Variants in RP1 observed in about 807,000 individuals in gnomAD.
RP1 encodes the protein RP1 axonemal microtubule associated, also known as oxygen-regulated protein 1.
Under a neutral mutation model 14.8 loss-of-function variants are expected in RP1, and 16 were observed. The ratio of observed to expected loss-of-function variants is 1.08; its 90% CI spans 0.73 to 1.65. The LOEUF (loss-of-function observed/expected upper bound fraction) is 1.65, where lower values mean the gene tolerates loss of function less well. RP1 is among the 40% of genes most tolerant of loss of function. The probability of loss-of-function intolerance (pLI) is 0.00; values close to 1 mark genes in which losing one functional copy is unlikely to be tolerated. For synonymous variants in RP1, 876 were observed against 883.6 expected, an observed-to-expected ratio of 0.99 and a Z score of 0.15; for missense variants, 2,631 against 2,535.0, an observed-to-expected ratio of 1.04 and a Z score of -0.81.
chr8:54,661,190 T>C (rs1206909594), intron 6 of RP1, among the ~76,000 whole-genome samples: 1 of 147,286 alleles, frequency 6.8e-6, no homozygotes, highest in Non-Finnish European at 1.5e-5. Flanking sequence ...TAATATAATG[T>C]TATAATATAT....
At chr8:54,780,204 C>T (rs918887187) in intron 23 of RP1, among the ~76,000 whole-genome samples, 7 of 152,192 alleles carry the variant, frequency 4.6e-5, no homozygotes, top group Non-Finnish European at 1.5e-5. Context: ...ATGAGCATGG[C>T]GTCATTCCAA....
At chr8:54,696,706 G>A in intron 12 of RP1, 2 of 716,630 alleles carry the variant, frequency 2.8e-6, no homozygotes, top group African/African-American at 1.7e-5. Context: ...TTTTACTGGT[G>A]CAGAGAACCA....
chr8:54,716,067 G>A (rs1262687834), intron 15 of RP1, among the ~76,000 whole-genome samples: 4 of 152,170 alleles, frequency 2.6e-5, no homozygotes, highest in Non-Finnish European at 4.4e-5. Context: ...GGAGATAGTG[G>A]TTTGGGAATG....
intron 1 of RP1, among the ~76,000 whole-genome samples, chr8:54,618,117 C>A (rs114552781): frequency 0.011 from 1,677 of 152,230 alleles, 31 homozygotes; most frequent in African/African-American, 0.038. Context: ...ACTACAGCAT[C>A]CCCAACAAGG....
chr8:54,795,396 A>C (rs756041948), intron 24 of RP1, among the ~76,000 whole-genome samples: 4 of 152,126 alleles, frequency 2.6e-5, no homozygotes, highest in Non-Finnish European at 5.9e-5. Context: ...ACCCTAATAC[A>C]GGTGCAGAAT....
chr8:54,645,687 G>T (rs1189730266), intron 3 of RP1, among the ~76,000 whole-genome samples: 3 of 152,182 alleles, frequency 2.0e-5, no homozygotes, highest in Non-Finnish European at 2.9e-5. Context: ...TTGGGTACCA[G>T]AGTAATATGC....
intron 12 of RP1, among the ~76,000 whole-genome samples, chr8:54,683,701 G>A (rs779006486): frequency 5.9e-5 from 9 of 152,170 alleles, no homozygotes; most frequent in Non-Finnish European, 1.2e-4. Flanking sequence ...CTTTTGGGTT[G>A]AGACAATGGG....
chr8:54,777,045 G>T (rs1175231159), intron 23 of RP1, among the ~76,000 whole-genome samples: 1 of 152,196 alleles, frequency 6.6e-6, no homozygotes, highest in Non-Finnish European at 1.5e-5. Flanking sequence ...TCACTGCATG[G>T]CTTGGGAAAT....
At chr8:54,715,474 A>G (rs1271220224) in intron 15 of RP1, among the ~76,000 whole-genome samples, 1 of 152,358 alleles carries the variant, frequency 6.6e-6, no homozygotes, top group East Asian at 1.9e-4. Context: ...CACTAATTAT[A>G]CTTAGTGGAG....
At chr8:54,839,714 C>T (rs1278596273) in intron 25 of RP1, among the ~76,000 whole-genome samples, 2 of 152,178 alleles carry the variant, frequency 1.3e-5, no homozygotes, top group Non-Finnish European at 2.9e-5. Flanking sequence ...AGCTGGTACT[C>T]CATCCCACAT....
chr8:54,632,089 G>A (rs910568416), downstream of RP1, among the ~76,000 whole-genome samples: 1 of 151,988 alleles, frequency 6.6e-6, no homozygotes, highest in Non-Finnish European at 1.5e-5. Context: ...TGATCCGCCC[G>A]CCTCGGCCTC....
chr8:54,669,919 C>T (rs1807112701), intron 7 of RP1, among the ~76,000 whole-genome samples: 1 of 151,962 alleles, frequency 6.6e-6, no homozygotes, highest in Non-Finnish European at 1.5e-5. Context: ...AGGAGAAATA[C>T]CTAATGTAAA....
chr8:54,574,445 G>A (rs1804599986), intron 1 of RP1, among the ~76,000 whole-genome samples: 1 of 152,104 alleles, frequency 6.6e-6, no homozygotes, highest in African/African-American at 2.4e-5. Flanking sequence ...AGGATGGGTA[G>A]GTTTTGGGTA....
chr8:54,866,856 A>G (rs1812469841), intron 28 of RP1, among the ~76,000 whole-genome samples: 1 of 152,214 alleles, frequency 6.6e-6, no homozygotes, highest in African/African-American at 2.4e-5. Context: ...ATGTGATTGC[A>G]TGTTCCTTGA....
chr8:54,688,322 T>A (rs1293662089), intron 12 of RP1, among the ~76,000 whole-genome samples: 2 of 152,198 alleles, frequency 1.3e-5, no homozygotes, highest in African/African-American at 4.8e-5. Context: ...TTTAATTACA[T>A]CCCATTTGTC....
chr8:54,617,856 C>A (rs1194655623), intron 1 of RP1, among the ~76,000 whole-genome samples: 1 of 152,200 alleles, frequency 6.6e-6, no homozygotes. Context: ...TTGGTTTGCA[C>A]CCTCTTTCCA....
rs906149434 is a variant in RP1 at position 54,838,660 on chromosome 8, C to T, written c.3835+991C>T. 2.6e-5 allele frequency among the ~76,000 whole-genome samples: 4 copies of T among 151,810 alleles called. No homozygotes were observed. The East Asian group carries it at 5.8e-4, about 22-fold the overall frequency. ...ATGTGACACTATGTATATGTGTATA[C>T]GTGTGTGTGCATATTCCTGCATGCA... On this transcript the variant is annotated intron_variant, in intron 25 of 28. Transcript: ENST00000637698.
At chr8:54,593,852 T>C (rs1020546205) in intron 1 of RP1, among the ~76,000 whole-genome samples, 1 of 152,238 alleles carries the variant, frequency 6.6e-6, no homozygotes, top group African/African-American at 2.4e-5. Flanking sequence ...ACAGGAGTCT[T>C]GTCATCCCAG....
intron 16 of RP1, among the ~76,000 whole-genome samples, chr8:54,724,716 G>A (rs994664027): frequency 1.3e-5 from 2 of 152,114 alleles, no homozygotes; most frequent in Non-Finnish European, 2.9e-5. Context: ...AAGACAAAAT[G>A]GGAAGCCTTC....
Sources: gnomAD v4.1 joint callset for allele counts (sites outside exome capture counted in the v4.1 genomes callset) on GRCh38, gnomAD v4.1.1 for gene constraint, MANE v1.5 for transcripts, NCBI Gene and HGNC (gene_info 2026-07-23, HGNC 2026-07-21) for gene names.